The following TBCK variants were observed in gnomAD, a reference collection of about 807,000 sequenced individuals.
The protein encoded by TBCK is TBC1 domain containing kinase.
A neutral mutation model predicts 113.4 loss-of-function variants in TBCK; 99 were observed. The observed-to-expected ratio is 0.87, with a 90% CI of 0.74 to 1.03. The LOEUF is 1.03. Ranked by LOEUF, TBCK falls within the 50% of genes least tolerant of loss-of-function variation. The pLI, the probability that TBCK is intolerant of heterozygous loss-of-function variation, is 0.00. For missense variants in TBCK, 1,045 were observed against 1,061.3 expected, an observed-to-expected ratio of 0.98 and a Z score of 0.21; for synonymous variants, 369 against 370.8, an observed-to-expected ratio of 1.00 and a Z score of 0.05.
At chr4:106,115,431 C>A (rs1213256008) in intron 24 of TBCK, among the ~76,000 whole-genome samples, 1 of 152,114 alleles carries the variant, frequency 6.6e-6, no homozygotes, top group East Asian at 1.9e-4. Context: ...AACCATTAAC[C>A]TGCTAACCCT....
intron 3 of TBCK, among the ~76,000 whole-genome samples, chr4:106,280,174 CTGA>C (rs1764444762): frequency 6.6e-6 from 1 of 152,112 alleles, no homozygotes; most frequent in South Asian, 2.1e-4. Flanking sequence ...TTGCATTTCT[CTGA>C]TGATAAATGA....
intron 23 of TBCK, among the ~76,000 whole-genome samples, chr4:106,132,492 T>C (rs1486733629): frequency 1.3e-5 from 2 of 152,218 alleles, no homozygotes; most frequent in Non-Finnish European, 2.9e-5. Context: ...CAGAGGATGT[T>C]TGAGACACCT....
chr4:106,209,494 A>G (rs1755890236), intron 20 of TBCK, among the ~76,000 whole-genome samples: 1 of 152,202 alleles, frequency 6.6e-6, no homozygotes, highest in Non-Finnish European at 1.5e-5. Flanking sequence ...ATTATTTCTT[A>G]GATAAAAAAA....
chr4:106,215,913 A>AT (rs1756841640), intron 19 of TBCK, among the ~76,000 whole-genome samples: 1 of 150,762 alleles, frequency 6.6e-6, no homozygotes, highest in East Asian at 1.9e-4. Context: ...CAGAATATAC[A>AT]TTTTTTTCAG....
intron 3 of TBCK, among the ~76,000 whole-genome samples, chr4:106,270,458 C>T (rs926117427): frequency 3.9e-5 from 6 of 152,104 alleles, no homozygotes; most frequent in Non-Finnish European, 8.8e-5. Flanking sequence ...CTCCCCATAC[C>T]CTGGCAGCAT....
chr4:106,206,438 T>C (rs1430306390), intron 20 of TBCK, among the ~76,000 whole-genome samples: 4 of 152,156 alleles, frequency 2.6e-5, no homozygotes, highest in Admixed American at 2.6e-4. Flanking sequence ...TAATAAGCCA[T>C]TTGTATTCAA....
intron 10 of TBCK, among the ~76,000 whole-genome samples, chr4:106,245,089 G>A (rs13121614): frequency 0.6 from 90,776 of 151,926 alleles, 27,432 homozygotes; most frequent in Non-Finnish European, 0.64. Context: ...AGTGCCTCAG[G>A]AACCAGTGCC....
intron 23 of TBCK, among the ~76,000 whole-genome samples, chr4:106,125,983 G>T (rs913305167): frequency 6.6e-6 from 1 of 152,170 alleles, no homozygotes; most frequent in South Asian, 2.1e-4. Flanking sequence ...GGCAAGATAT[G>T]TGCTCTATAA....
intron 25 of TBCK, among the ~76,000 whole-genome samples, chr4:106,057,062 A>G (rs1483951105): frequency 6.6e-6 from 1 of 151,800 alleles, no homozygotes; most frequent in African/African-American, 2.4e-5. Context: ...CTTGAATCAC[A>G]TAGTAACAGC....
At chr4:106,081,954 G>A (rs1006638860) in intron 25 of TBCK, among the ~76,000 whole-genome samples, 1 of 152,094 alleles carries the variant, frequency 6.6e-6, no homozygotes, top group Non-Finnish European at 1.5e-5. Flanking sequence ...CAAAACACAA[G>A]AAATGCTGGT....
chr4:106,175,213 ATAGT>A (rs1211264157), intron 22 of TBCK, among the ~76,000 whole-genome samples: 3 of 151,046 alleles, frequency 2.0e-5, no homozygotes, highest in Non-Finnish European at 4.4e-5. Flanking sequence ...CTGTTTTTTC[ATAGT>A]TAATTTTCTC....
At chr4:106,238,762 T>C (rs967590002) in intron 12 of TBCK, 3 of 152,158 alleles carry the variant, frequency 2.0e-5, no homozygotes, top group African/African-American at 4.8e-5. Flanking sequence ...AATCAGAGCA[T>C]TGTGATGTCC....
chr4:106,309,865 T>C (rs1300445490), intron 1 of TBCK: 1 of 152,222 alleles, frequency 6.6e-6, no homozygotes, highest in Non-Finnish European at 1.5e-5. Context: ...ACAGAGCTAT[T>C]GGCTCCAGTT....
intron 7 of TBCK, among the ~76,000 whole-genome samples, chr4:106,249,725 T>C (rs1761218836): frequency 6.6e-6 from 1 of 152,164 alleles, no homozygotes. Context: ...TCAATCTTTG[T>C]AATTAAATGT....
At chr4:106,139,436 A>C (rs1746938970) in intron 23 of TBCK, among the ~76,000 whole-genome samples, 1 of 142,042 alleles carries the variant, frequency 7.0e-6, no homozygotes. Context: ...TTTCAGCAAT[A>C]AACACAAAAG....
chr4:106,292,203 C>T (rs755924904), intron 3 of TBCK, among the ~76,000 whole-genome samples: 2 of 152,040 alleles, frequency 1.3e-5, no homozygotes, highest in Non-Finnish European at 2.9e-5. Flanking sequence ...TACAGAAATG[C>T]CGGCTACCTG....
At chr4:106,306,238 T>TA (rs1431667062) in intron 2 of TBCK, among the ~76,000 whole-genome samples, 56 of 111,902 alleles carry the variant, frequency 5.0e-4, no homozygotes, top group African/African-American at 2.0e-3. Context: ...CCTGGCTAAT[T>TA]TTTTTTTTTT....
At chr4:106,216,603 A>G (rs1338575202) in intron 19 of TBCK, among the ~76,000 whole-genome samples, 2 of 152,248 alleles carry the variant, frequency 1.3e-5, no homozygotes, top group Non-Finnish European at 2.9e-5. Flanking sequence ...ATGCAAATAA[A>G]CTAGAAAACC....
intron 10 of TBCK, among the ~76,000 whole-genome samples, chr4:106,245,026 A>G (rs893212561): frequency 2.6e-5 from 4 of 152,144 alleles, no homozygotes; most frequent in Non-Finnish European, 5.9e-5. Context: ...AGGACTGGAG[A>G]CAGAGAGGAG....
Sources: gnomAD v4.1 joint callset for allele counts (sites outside exome capture counted in the v4.1 genomes callset) on GRCh38, gnomAD v4.1.1 for gene constraint, MANE v1.5 for transcripts, NCBI Gene and HGNC (gene_info 2026-07-23, HGNC 2026-07-21) for gene names.